Variants in CDC14A observed in about 807,000 individuals in gnomAD.
CDC14A encodes cell division cycle 14A.
Under a neutral mutation model 74.4 loss-of-function variants are expected in CDC14A, and 53 were observed. The ratio of observed to expected loss-of-function variants is 0.71; its 90% CI spans 0.57 to 0.89. The LOEUF is 0.89. Among genes scored for constraint, CDC14A ranks in the 40% least tolerant of loss-of-function variants. The pLI is 0.00. For synonymous variants in CDC14A, 247 were observed against 258.4 expected (o/e 0.96, Z 0.43); for missense variants, 646 against 713.7 (o/e 0.91, Z 1.08).
chr1:100,351,254 G>A (rs1437629871), upstream of CDC14A, among the ~76,000 whole-genome samples: 1 of 151,536 alleles, frequency 6.6e-6, no homozygotes, highest in Non-Finnish European at 1.5e-5. Context: ...GGCCCTCGAA[G>A]GGCTGGTTCC....
At chr1:100,476,426 C>T (rs761499552) in intron 10 of CDC14A, among the ~76,000 whole-genome samples, 4 of 151,874 alleles carry the variant, frequency 2.6e-5, no homozygotes, top group Non-Finnish European at 4.4e-5. Flanking sequence ...CCAGCCTGGG[C>T]GACACAGCAG....
chr1:100,442,975 G>C lies in CDC14A; in HGVS notation c.498G>C (p.Val166=). 1 of 1,597,542 alleles carries C rather than the reference G, an allele frequency of 6.3e-7. No homozygotes were observed. The highest frequency in any genetic ancestry group is 1.1e-5 in the South Asian group (1 of 90,558). ...HGFFDFETFD[V]DEYEHYERVE... ...TTTTTGACTTTGAGACATTTGATGT[G>C]GATGAATATGAACATTATGAGGTTT... Residue 166 remains valine (V), a synonymous_variant, in exon 7 of 16, where the codon GTG becomes GTC. Coordinates refer to ENST00000336454, the MANE Select transcript of CDC14A (RefSeq NM_003672.4).
chr1:100,500,747 A>G (rs1291500447), intron 15 of CDC14A, among the ~76,000 whole-genome samples: 2 of 67,544 alleles, frequency 3.0e-5, no homozygotes, highest in African/African-American at 1.2e-4. Flanking sequence ...CACTCTCAAA[A>G]AAAAAAAAAA....
chr1:100,407,876 C>T (rs1190288271), intron 4 of CDC14A, among the ~76,000 whole-genome samples: 1 of 151,978 alleles, frequency 6.6e-6, no homozygotes, highest in African/African-American at 2.4e-5. Context: ...GGGATACATA[C>T]TGATGTTTTT....
intron 2 of CDC14A, among the ~76,000 whole-genome samples, chr1:100,375,010 G>T (rs996175758): frequency 3.3e-5 from 5 of 152,124 alleles, no homozygotes; most frequent in African/African-American, 7.2e-5. Context: ...AAAATAATTT[G>T]CAATATTTAG....
At chr1:100,473,827 A>G (rs1444054221) in intron 10 of CDC14A, among the ~76,000 whole-genome samples, 1 of 152,136 alleles carries the variant, frequency 6.6e-6, no homozygotes, top group Non-Finnish European at 1.5e-5. Flanking sequence ...TTTCTAATCT[A>G]TATACCTTGT....
rs555454301 is a variant in CDC14A at position 100,426,969 on chromosome 1, C to G, written c.389+2668C>G. Among the ~76,000 whole-genome samples the G allele has an allele frequency of 2.6e-5, 4 of 152,148 alleles. No homozygotes were observed. In the South Asian group the frequency reaches 8.3e-4, roughly 32 times the overall value. On this transcript the variant is annotated intron_variant, in intron 5 of 15. Transcript: ENST00000336454. ...AAGAATACTACTAGTTTTCTGGAAA[C>G]TTAATTTTTTTATTATGCTAAGATA... is the stretch of plus-strand genomic sequence containing the variant.
chr1:100,425,590 C>T (rs1662860531), intron 5 of CDC14A, among the ~76,000 whole-genome samples: 1 of 152,022 alleles, frequency 6.6e-6, no homozygotes, highest in Non-Finnish European at 1.5e-5. Flanking sequence ...ACCTATTGTG[C>T]TTAATTAAAG....
chr1:100,386,650 G>A (rs1025804628), intron 3 of CDC14A, among the ~76,000 whole-genome samples: 4 of 152,142 alleles, frequency 2.6e-5, no homozygotes, highest in Non-Finnish European at 5.9e-5. Flanking sequence ...ACAAAAATTA[G>A]CCAGGCATGG....
chr1:100,463,130 C>G (rs920213136), intron 9 of CDC14A, among the ~76,000 whole-genome samples: 9 of 152,072 alleles, frequency 5.9e-5, no homozygotes, highest in African/African-American at 2.2e-4. Context: ...TCCAGGCCCA[C>G]GTGCCACAAT....
rs1651221818 is a variant in CDC14A at position 100,352,624 on chromosome 1, CTT to C, written c.-329_-328del. On this transcript the variant is annotated 5_prime_UTR_variant, in exon 1 of 16. An upstream open reading frame in the 5' UTR gains an earlier in-frame stop. Coordinates refer to ENST00000336454, the MANE Select transcript of CDC14A (RefSeq NM_003672.4). ...GATCACTTTGGAAGCCGGGGGAAGA[CTT>C]TGCCCTGCCCTGAGAGCTGGTCTGC... 9.3e-6 allele frequency: 11 copies of C among 1,185,372 alleles called. No homozygotes were observed. The East Asian group carries it at 4.5e-4, about 48-fold the overall frequency. 73.4% of individuals were successfully genotyped at this position (1,185,372 alleles called of 1,614,324 possible).
chr1:100,430,324 A>G (rs1025849570), intron 5 of CDC14A, among the ~76,000 whole-genome samples: 2 of 152,154 alleles, frequency 1.3e-5, no homozygotes, highest in Non-Finnish European at 2.9e-5. Context: ...CTAACAGAGG[A>G]TTCACACCCC....
At chr1:100,445,902 G>A (rs577953489) in intron 7 of CDC14A, among the ~76,000 whole-genome samples, 1 of 152,280 alleles carries the variant, frequency 6.6e-6, no homozygotes, top group South Asian at 2.1e-4. Context: ...CCACTATTGT[G>A]ATTGGCAGGT....
Position 100,424,237 on chromosome 1 carries a change from A to G in CDC14A, c.325A>G (p.Lys109Glu). 6.2e-7 allele frequency: 1 copy of G among 1,612,444 alleles called. No homozygotes were observed. The highest frequency in any genetic ancestry group is 8.5e-7 in the Non-Finnish European group (1 of 1,178,534). ...TCTGTCTTAGGTAATCTATTTAAAG[A>G]AGACACCAGAAGAAGCCTACAGAGC... is the stretch of plus-strand genomic sequence containing the variant. The part of the protein sequence containing the change: ...IGAYAVIYLK[K>E]TPEEAYRALL... The change falls in exon 5 of 16, where the codon AAG becomes GAG. Residue 109 changes from lysine to glutamate, a missense_variant. Coordinates refer to ENST00000336454, the MANE Select transcript of CDC14A (RefSeq NM_003672.4).
At chr1:100,398,889 A>G (rs1658895051) in intron 4 of CDC14A, among the ~76,000 whole-genome samples, 2 of 152,150 alleles carry the variant, frequency 1.3e-5, no homozygotes, top group South Asian at 4.1e-4. Context: ...CCAGCAGGCC[A>G]GGTTGCTGAG....
At chr1:100,439,759 T>TG (rs1664722612) in intron 5 of CDC14A, among the ~76,000 whole-genome samples, 173 bp from the exon 6 acceptor site, 1 of 152,234 alleles carries the variant, frequency 6.6e-6, no homozygotes, top group Non-Finnish European at 1.5e-5. Context: ...ATTTCAGAAG[T>TG]GCTTCAGTTA....
At chr1:100,382,583 T>C (rs1227646567) in intron 3 of CDC14A, among the ~76,000 whole-genome samples, 1 of 151,322 alleles carries the variant, frequency 6.6e-6, no homozygotes, top group Non-Finnish European at 1.5e-5. Context: ...CTGAGAAAAA[T>C]AAAACCTGAG....
At chr1:100,420,112 C>T (rs1662179805) in intron 4 of CDC14A, among the ~76,000 whole-genome samples, 4 of 82,046 alleles carry the variant, frequency 4.9e-5, no homozygotes, top group Non-Finnish European at 1.0e-4. Context: ...TTATGCTTTG[C>T]TGAAAAGGTT....
chr1:100,430,612 A>G (rs1353203179), intron 5 of CDC14A, among the ~76,000 whole-genome samples: 1 of 152,244 alleles, frequency 6.6e-6, no homozygotes, highest in Non-Finnish European at 1.5e-5. Context: ...AGGACTTGGC[A>G]TCAGGCTGCC....
Sources: gnomAD v4.1 joint callset for allele counts (sites outside exome capture counted in the v4.1 genomes callset) on GRCh38, gnomAD v4.1.1 for gene constraint, MANE v1.5 for transcripts, NCBI Gene and HGNC (gene_info 2026-07-23, HGNC 2026-07-21) for gene names.